The following BICC1 variants were observed in gnomAD, a reference collection of about 807,000 sequenced individuals.
BICC1 encodes BicC family RNA binding protein 1.
A neutral mutation model predicts 111.0 loss-of-function variants in BICC1; 43 were observed. The ratio of observed to expected loss-of-function variants is 0.39; its 90% CI spans 0.30 to 0.50. The LOEUF is 0.50. Ranked by LOEUF, BICC1 falls within the 20% of genes least tolerant of loss-of-function variation. The pLI is 0.88. For missense variants in BICC1, 1,091 were observed against 1,203.2 expected, an observed-to-expected ratio of 0.91 and a Z score of 1.38; for synonymous variants, 467 against 434.4, an observed-to-expected ratio of 1.07 and a Z score of -0.93.
intron 9 of BICC1, among the ~76,000 whole-genome samples, chr10:58,794,803 G>A (rs988770948): frequency 3.3e-5 from 5 of 152,288 alleles, no homozygotes; most frequent in South Asian, 2.1e-4. Flanking sequence ...AACTAGCACA[G>A]CCACTTTGAA....
intron 1 of BICC1, among the ~76,000 whole-genome samples, chr10:58,550,653 T>G (rs1843272216): frequency 6.6e-6 from 1 of 152,202 alleles, no homozygotes; most frequent in Non-Finnish European, 1.5e-5. Context: ...TTTCTTGGTG[T>G]ATGAATATAC....
chr10:58,665,172 G>C (rs1219505788), intron 2 of BICC1, among the ~76,000 whole-genome samples: 1 of 152,116 alleles, frequency 6.6e-6, no homozygotes, highest in Non-Finnish European at 1.5e-5. Context: ...CTCAGTTTTA[G>C]TCAGGTCTTG....
intron 3 of BICC1, among the ~76,000 whole-genome samples, chr10:58,751,595 C>G (rs2132645289): frequency 6.6e-6 from 1 of 152,182 alleles, no homozygotes; most frequent in Middle Eastern, 3.4e-3. Flanking sequence ...AAATATTTCA[C>G]TGTTAAGCAG....
intron 12 of BICC1, 48 bp from the exon 13 acceptor site, chr10:58,800,146 T>A: frequency 6.9e-7 from 1 of 1,439,526 alleles, no homozygotes; most frequent in Non-Finnish European, 9.5e-7. Context: ...TTTGACTCTC[T>A]GTAAAATTGT....
In BICC1 at chr10:58,542,108, G is replaced by A. The variant is rs754009350; in HGVS notation, c.190+28775G>A. On this transcript the variant is annotated intron_variant, in intron 1 of 20. Transcript: ENST00000373886. ...TGAGGCAGCAGAGAGCTGTGATCACGCCACTGCACTCCAGCCCAGGTGACA... is the reference window on the plus strand; with the variant it reads ...TGAGGCAGCAGAGAGCTGTGATCACACCACTGCACTCCAGCCCAGGTGACA... Among the ~76,000 whole-genome samples the A allele has an allele frequency of 7.2e-4, 96 of 133,236 alleles. 2 individuals are homozygous for A. The highest frequency in any genetic ancestry group is 1.9e-4 in the Admixed American group (2 of 10,538). The allele number at this position is 133,236 out of a possible 152,430, so 87.4% of individuals were successfully genotyped here.
At chr10:58,516,021 A>G (rs1249044191) in intron 1 of BICC1, among the ~76,000 whole-genome samples, 2 of 152,218 alleles carry the variant, frequency 1.3e-5, no homozygotes, top group Non-Finnish European at 2.9e-5. Flanking sequence ...TAAGTCTATC[A>G]AGTCAATAAG....
chr10:58,742,431 A>ATTTTTTTTTTTTT (rs554670544), intron 3 of BICC1, among the ~76,000 whole-genome samples: 1 of 94,168 alleles, frequency 1.1e-5, no homozygotes, highest in Admixed American at 1.3e-4. Context: ...GTATGCTTTA[A>ATTTTTTTTTTTTT]TTTTTTTTTT....
Position 58,631,695 on chromosome 10 carries a change from C to T in BICC1, c.237+10794C>T, listed in dbSNP as rs571140328. Among the ~76,000 whole-genome samples the T allele has an allele frequency of 2.7e-4, 41 of 152,168 alleles. 1 individual carries two copies. The South Asian group carries it at 8.5e-3, about 32-fold the overall frequency. On this transcript the variant is annotated intron_variant, in intron 2 of 20. Transcript: ENST00000373886. ...ACTGACAATAAGCAAAATATAGAGG[C>T]CTCTGTGTTTCCTGCTTGGTTCTCT...
At chr10:58,586,678 C>CCA (rs1428641584) in intron 1 of BICC1, among the ~76,000 whole-genome samples, 3 of 151,528 alleles carry the variant, frequency 2.0e-5, no homozygotes, top group Non-Finnish European at 4.4e-5. Context: ...ATATACATAC[C>CCA]CACACACACT....
chr10:58,616,270 A>G (rs1159265570), intron 1 of BICC1, among the ~76,000 whole-genome samples: 1 of 152,196 alleles, frequency 6.6e-6, no homozygotes, highest in Non-Finnish European at 1.5e-5. Context: ...GGGTCCCCCC[A>G]CTGGAGAACA....
At chr10:58,562,798 T>C (rs1333435361) in intron 1 of BICC1, among the ~76,000 whole-genome samples, 1 of 151,792 alleles carries the variant, frequency 6.6e-6, no homozygotes, top group African/African-American at 2.4e-5. Flanking sequence ...TTTGGTAGAG[T>C]GTTTTCATTT....
intron 8 of BICC1, among the ~76,000 whole-genome samples, 194 bp downstream of exon 8, chr10:58,790,127 T>A (rs188172540): frequency 5.3e-5 from 8 of 152,336 alleles, no homozygotes; most frequent in Non-Finnish European, 1.2e-4. Context: ...TTTAATTTCA[T>A]TGCATATGTA....
chr10:58,744,588 CTTT>C (rs2132618728), intron 3 of BICC1, among the ~76,000 whole-genome samples: 1 of 151,782 alleles, frequency 6.6e-6, no homozygotes, highest in Non-Finnish European at 1.5e-5. Flanking sequence ...GACAATTATT[CTTT>C]ATTTGTTGTT....
intron 12 of BICC1, 126 bp from the exon 13 acceptor site, chr10:58,800,068 C>T (rs893415187): frequency 3.1e-6 from 2 of 643,688 alleles, no homozygotes; most frequent in African/African-American, 3.7e-5. Context: ...TATTTCATCT[C>T]CTTAGTTAGA....
intron 2 of BICC1, among the ~76,000 whole-genome samples, chr10:58,622,825 G>A (rs1233794186): frequency 1.3e-5 from 2 of 152,178 alleles, no homozygotes; most frequent in Non-Finnish European, 2.9e-5. Context: ...GCAGTCACAT[G>A]TATTCTAGTT....
At chr10:58,620,778 C>G in intron 1 of BICC1, 77 bp from the exon 2 acceptor site, 1 of 1,411,778 alleles carries the variant, frequency 7.1e-7, no homozygotes, top group South Asian at 1.2e-5. Flanking sequence ...CTTTTGCATT[C>G]TCATATCTGA....
At chr10:58,695,394 T>C (rs1840038810) in intron 2 of BICC1, among the ~76,000 whole-genome samples, 1 of 152,192 alleles carries the variant, frequency 6.6e-6, no homozygotes, top group African/African-American at 2.4e-5. Flanking sequence ...ACAGACCTTA[T>C]TTCTCTATTA....
chr10:58,700,030 C>T (rs2098018346), intron 2 of BICC1, among the ~76,000 whole-genome samples: 1 of 152,148 alleles, frequency 6.6e-6, no homozygotes, highest in Non-Finnish European at 1.5e-5. Context: ...TCTTAAGTAA[C>T]TTAGGGGAAA....
At chr10:58,808,353 A>C (rs149345859) in intron 17 of BICC1, among the ~76,000 whole-genome samples, 3,661 of 152,266 alleles carry the variant, frequency 0.024, 75 homozygotes, top group Non-Finnish European at 0.038. Context: ...TCATTCTTAG[A>C]GTTTCACCTG....
Sources: allele counts gnomAD v4.1 joint callset (sites outside exome capture counted in the v4.1 genomes callset), GRCh38; gene constraint gnomAD v4.1.1; transcripts MANE v1.5; gene names NCBI Gene and HGNC (gene_info 2026-07-23, HGNC 2026-07-21).